The following C1orf185 variants were observed in gnomAD, a reference collection of about 807,000 sequenced individuals.
The protein encoded by C1orf185 is chromosome 1 open reading frame 185.
A neutral mutation model predicts 16.1 loss-of-function variants in C1orf185; 13 were observed. That is an observed-to-expected ratio of 0.81 (90% confidence interval 0.53 to 1.28). The LOEUF is 1.28. Among genes scored for constraint, C1orf185 ranks in the 50% most tolerant of loss-of-function variants. C1orf185 has a pLI of 0.00. For missense variants in C1orf185, 220 were observed against 225.2 expected (o/e 0.98, Z 0.15); for synonymous variants, 80 against 76.9 (o/e 1.04, Z -0.21).
downstream of C1orf185, among the ~76,000 whole-genome samples, chr1:51,150,349 C>G (rs113250273): frequency 0.013 from 1,987 of 152,106 alleles, 37 homozygotes; most frequent in African/African-American, 0.046. Context: ...TGTGCCAACA[C>G]GTCCAGCTAA....
At chr1:51,124,867 T>C (rs1031976457) in intron 3 of C1orf185, among the ~76,000 whole-genome samples, 1 of 152,216 alleles carries the variant, frequency 6.6e-6, no homozygotes, top group Non-Finnish European at 1.5e-5. Flanking sequence ...GATCCTGTTT[T>C]GGTCAGCAGG....
At chr1:51,138,184 C>T (rs1646340041) in intron 3 of C1orf185, among the ~76,000 whole-genome samples, 1 of 152,086 alleles carries the variant, frequency 6.6e-6, no homozygotes, top group Admixed American at 6.5e-5. Context: ...CAAACCTGCA[C>T]ATGTACTCCT....
rs1646394299 is a variant in C1orf185 at position 51,145,721 on chromosome 1, T to A, written c.259-3T>A. On this transcript the variant is annotated splice_region_variant and splice_polypyrimidine_tract_variant and intron_variant, in intron 3 of 4. Transcript: ENST00000371759. ...AAAACACAAATAACTTTTTTTAATG[T>A]AGGAGGAGCAAAGAAAAAAGGAAGC... is the stretch of plus-strand genomic sequence containing the variant. The A allele has an allele frequency of 3.8e-6, 5 of 1,299,138 alleles. No individual in the cohort carries two copies. The highest frequency in any genetic ancestry group is 5.2e-6 in the Non-Finnish European group (5 of 959,528). 80.5% of individuals were successfully genotyped at this position (1,299,138 alleles called of 1,614,324 possible).
chr1:51,126,504 T>TCCTG (rs1646241769), intron 3 of C1orf185, among the ~76,000 whole-genome samples: 1 of 152,142 alleles, frequency 6.6e-6, no homozygotes, highest in Non-Finnish European at 1.5e-5. Flanking sequence ...CAAGTGAGCC[T>TCCTG]CCTGCCTCAG....
intron 1 of C1orf185, among the ~76,000 whole-genome samples, chr1:51,103,452 A>AG (rs1646047875): frequency 2.1e-5 from 1 of 46,886 alleles, no homozygotes; most frequent in Non-Finnish European, 6.2e-5. Context: ...CACACACAAA[A>AG]ACCACGAAAC....
chr1:51,108,580 T>A (rs777866953), intron 1 of C1orf185, among the ~76,000 whole-genome samples: 1 of 152,160 alleles, frequency 6.6e-6, no homozygotes, highest in Non-Finnish European at 1.5e-5. Flanking sequence ...TCATCCTCCC[T>A]TCCCCCACTC....
At chr1:51,113,816 C>A (rs1646140234) in intron 2 of C1orf185, among the ~76,000 whole-genome samples, 1 of 152,200 alleles carries the variant, frequency 6.6e-6, no homozygotes, top group South Asian at 2.1e-4. Flanking sequence ...ACACACTACC[C>A]ATCTACATTC....
At chr1:51,124,081 GTTT>G (rs893846873) in intron 3 of C1orf185, among the ~76,000 whole-genome samples, 1 of 113,582 alleles carries the variant, frequency 8.8e-6, no homozygotes, top group Non-Finnish European at 1.9e-5. Context: ...ACTGTAGTTT[GTTT>G]TTTTTTTTTT....
At chr1:51,145,037 A>T (rs1646389520) in intron 3 of C1orf185, among the ~76,000 whole-genome samples, 1 of 152,166 alleles carries the variant, frequency 6.6e-6, no homozygotes, top group Non-Finnish European at 1.5e-5. Flanking sequence ...GAATTTTAAC[A>T]TGCACATCCG....
Position 51,132,570 on chromosome 1 carries a change from A to T in C1orf185, c.259-13154A>T, listed in dbSNP as rs553446407. ...AAAAGAATGAAAAAGAATGAATAAA[A>T]CTTCTGAGAAATATGGGATAATGTA... is the stretch of plus-strand genomic sequence containing the variant. On this transcript the variant is annotated intron_variant, in intron 3 of 4. Transcript: ENST00000371759. Among the ~76,000 whole-genome samples, 10 of 152,282 alleles carry T rather than the reference A, an allele frequency of 6.6e-5. 1 individual carries two copies. The South Asian group carries it at 1.9e-3, about 28-fold the overall frequency.
intron 1 of C1orf185, among the ~76,000 whole-genome samples, chr1:51,107,642 A>G (rs769362573): frequency 9.9e-5 from 15 of 152,152 alleles, no homozygotes; most frequent in Non-Finnish European, 1.8e-4. Context: ...GATAAGTCAT[A>G]AGTGGTAAGT....
intron 3 of C1orf185, among the ~76,000 whole-genome samples, chr1:51,128,271 C>G (rs1341611243): frequency 1.3e-5 from 2 of 152,180 alleles, no homozygotes; most frequent in Non-Finnish European, 2.9e-5. Flanking sequence ...TTATAAGAAA[C>G]TGCTGAGCAG....
At chr1:51,120,749 T>C (rs995426070) in intron 3 of C1orf185, among the ~76,000 whole-genome samples, 5 of 152,218 alleles carry the variant, frequency 3.3e-5, no homozygotes, top group African/African-American at 1.2e-4. Context: ...TAGACACTAA[T>C]AGACAATTAC....
chr1:51,126,340 T>C (rs1302205597), intron 3 of C1orf185, among the ~76,000 whole-genome samples: 1 of 152,136 alleles, frequency 6.6e-6, no homozygotes, highest in Non-Finnish European at 1.5e-5. Flanking sequence ...CATAGGTCAC[T>C]GTAACCTTGA....
In C1orf185 at chr1:51,137,079, C is replaced by T. The variant is rs1209373304; in HGVS notation, c.259-8645C>T. On this transcript the variant is annotated intron_variant, in intron 3 of 4. Coordinates refer to ENST00000371759, the MANE Select transcript of C1orf185 (RefSeq NM_001136508.2). ...TTTACAAGAAAAAAACAAGCAGCCC[C>T]ATTAAAAAGTGAGGAAAGGACATGA... Among the ~76,000 whole-genome samples the T allele has an allele frequency of 2.0e-5, 3 of 151,950 alleles. No homozygotes were observed. The East Asian group carries it at 5.8e-4, about 29-fold the overall frequency.
chr1:51,151,461 A>G (rs1646428992), downstream of C1orf185, among the ~76,000 whole-genome samples: 1 of 152,206 alleles, frequency 6.6e-6, no homozygotes, highest in Non-Finnish European at 1.5e-5. Flanking sequence ...TCTTTTGAAA[A>G]AAAAGTAAAT....
At chr1:51,148,668 T>A (rs1375124542), downstream of C1orf185, among the ~76,000 whole-genome samples, 1 of 152,194 alleles carries the variant, frequency 6.6e-6, no homozygotes, top group Non-Finnish European at 1.5e-5. Context: ...GGCTCATGCC[T>A]GTAGTCCCAG....
At chr1:51,107,247 A>C (rs953825) in intron 1 of C1orf185, 1,825 of 152,304 alleles carry the variant, frequency 0.012, 18 homozygotes, top group Admixed American at 0.021. Flanking sequence ...AGTGAGTCTT[A>C]ATTGATTGTG....
intron 1 of C1orf185, among the ~76,000 whole-genome samples, chr1:51,106,170 G>T (rs1423400813): frequency 1.3e-5 from 2 of 152,046 alleles, no homozygotes; most frequent in African/African-American, 4.8e-5. Context: ...AAGGAGACTT[G>T]TAATATCTAA....
Sources: allele counts gnomAD v4.1 joint callset (sites outside exome capture counted in the v4.1 genomes callset), GRCh38; gene constraint gnomAD v4.1.1; transcripts MANE v1.5; gene names NCBI Gene and HGNC (gene_info 2026-07-23, HGNC 2026-07-21).